TENM4: variants seen among roughly 807,000 people sequenced by gnomAD.
TENM4 encodes the protein teneurin-4.
In TENM4, 82 loss-of-function variants were observed where a neutral mutation model predicts 243.3. The observed-to-expected ratio is 0.34, with a 90% CI of 0.28 to 0.40. The LOEUF is 0.40. TENM4 is among the 10% of genes least tolerant of loss of function. The probability of loss-of-function intolerance (pLI) is 1.00; values close to 1 mark genes in which losing one functional copy is unlikely to be tolerated. For synonymous variants in TENM4, 1,412 were observed against 1,456.3 expected, an observed-to-expected ratio of 0.97 and a Z score of 0.69; for missense variants, 3,138 against 3,673.3, an observed-to-expected ratio of 0.85 and a Z score of 3.77.
At chr11:78,837,935 C>A in intron 12 of TENM4, among the ~76,000 whole-genome samples, 1 of 151,970 alleles carries the variant, frequency 6.6e-6, no homozygotes, top group East Asian at 1.9e-4. Context: ...TTCCTAGGTA[C>A]TGGTTTATTT....
chr11:79,290,296 CATA>C (rs1856332538), intron 2 of TENM4, among the ~76,000 whole-genome samples: 1 of 152,340 alleles, frequency 6.6e-6, no homozygotes, highest in African/African-American at 2.4e-5. Context: ...CTCTCATTGG[CATA>C]ATGCTTTCAA....
intron 2 of TENM4, 115 bp from the exon 3 acceptor site, chr11:79,216,024 G>T: frequency 4.4e-6 from 1 of 224,812 alleles, no homozygotes; most frequent in Non-Finnish European, 7.4e-6. Context: ...GGAAAATGAG[G>T]CTTGTTCCTG....
intron 7 of TENM4, 111 bp downstream of exon 7, chr11:78,903,157 C>A (rs1855969484): frequency 7.3e-7 from 1 of 1,374,564 alleles, no homozygotes; most frequent in Non-Finnish European, 9.4e-7. Context: ...AACCCCAGCT[C>A]CTCCGGCCGG....
chr11:79,117,975 G>A (rs902367690), intron 4 of TENM4, among the ~76,000 whole-genome samples: 4 of 152,280 alleles, frequency 2.6e-5, no homozygotes, highest in Non-Finnish European at 4.4e-5. Flanking sequence ...CTTGGCAAAT[G>A]GCAAAGGGAA....
intron 15 of TENM4, among the ~76,000 whole-genome samples, chr11:78,803,708 C>A (rs927625566): frequency 6.6e-6 from 1 of 152,200 alleles, no homozygotes; most frequent in Non-Finnish European, 1.5e-5. Context: ...TTATACGTAC[C>A]TCCTCAGAGG....
chr11:79,287,452 T>C (rs1856276819), intron 2 of TENM4, among the ~76,000 whole-genome samples: 1 of 152,134 alleles, frequency 6.6e-6, no homozygotes, highest in South Asian at 2.1e-4. Context: ...CCAACAAAGA[T>C]TTAATGTAGT....
chr11:79,350,779 C>T (rs1290540156), intron 1 of TENM4, among the ~76,000 whole-genome samples: 1 of 152,086 alleles, frequency 6.6e-6, no homozygotes, highest in East Asian at 1.9e-4. Context: ...AATGCTGCTC[C>T]TGCTCCCAAC....
At chr11:78,730,892 G>A (rs1855647598) in intron 21 of TENM4, among the ~76,000 whole-genome samples, 1 of 152,176 alleles carries the variant, frequency 6.6e-6, no homozygotes, top group Non-Finnish European at 1.5e-5. Context: ...TAAGTTTGAG[G>A]CAAAGCAGGA....
intron 1 of TENM4, among the ~76,000 whole-genome samples, chr11:79,379,403 G>C (rs1857956633): frequency 6.6e-6 from 1 of 152,226 alleles, no homozygotes; most frequent in Admixed American, 6.5e-5. Context: ...TCTGGATGCT[G>C]TGTGGAGACT....
intron 3 of TENM4, among the ~76,000 whole-genome samples, chr11:79,208,270 C>T (rs1449698634): frequency 6.6e-6 from 1 of 152,174 alleles, no homozygotes; most frequent in Admixed American, 6.5e-5. Flanking sequence ...ATGAGTAAGG[C>T]CTTTGCCTAT....
At chr11:78,856,273 G>T in intron 10 of TENM4, 95 bp from the exon 11 acceptor site, 3 of 1,053,564 alleles carry the variant, frequency 2.8e-6, no homozygotes, top group Non-Finnish European at 4.2e-6. Flanking sequence ...ACTCTCCTTA[G>T]CCTCACATCC....
At chr11:79,163,305 T>C (rs1043713718) in intron 3 of TENM4, among the ~76,000 whole-genome samples, 1 of 152,128 alleles carries the variant, frequency 6.6e-6, no homozygotes, top group African/African-American at 2.4e-5. Context: ...AAAAATCCTA[T>C]GCTGTAAACT....
At position 78,867,959 on chromosome 11, in the gene TENM4, G is replaced by A. The variant is rs571608563; in HGVS notation, c.1085-4827C>T. Among the ~76,000 whole-genome samples the A allele has an allele frequency of 2.7e-3, 409 of 152,030 alleles. 3 individuals are homozygous for A. The highest frequency in any genetic ancestry group is 0.025 in the South Asian group (121 of 4,814). On this transcript the variant is annotated intron_variant, in intron 9 of 33. Transcript: ENST00000278550. Reference sequence around the variant, plus strand: ...ATAAAATTTGAAATAAATATTTAGGGAGGGGGAGCTGATAGTGATGATAAA... The same window carrying A: ...ATAAAATTTGAAATAAATATTTAGGAAGGGGGAGCTGATAGTGATGATAAA...
chr11:79,262,548 G>A (rs968881983), intron 2 of TENM4, among the ~76,000 whole-genome samples: 43 of 152,308 alleles, frequency 2.8e-4, no homozygotes, highest in African/African-American at 9.6e-4. Flanking sequence ...AGTCTTTGAA[G>A]ATCCGTCTCT....
intron 3 of TENM4, among the ~76,000 whole-genome samples, chr11:79,213,941 C>T (rs1293080837): frequency 1.3e-5 from 2 of 152,034 alleles, no homozygotes; most frequent in Non-Finnish European, 2.9e-5. Context: ...TGGCACAGTG[C>T]CTCAGTAAAT....
At chr11:78,879,105 C>T (rs1859344440) in intron 9 of TENM4, among the ~76,000 whole-genome samples, 1 of 150,180 alleles carries the variant, frequency 6.7e-6, no homozygotes, top group African/African-American at 2.5e-5. Flanking sequence ...GTGAGGTGTG[C>T]CTCTGCCTGG....
chr11:78,740,252 C>T (rs1033355925), intron 19 of TENM4, among the ~76,000 whole-genome samples: 6 of 152,232 alleles, frequency 3.9e-5, no homozygotes, highest in Non-Finnish European at 5.9e-5. Flanking sequence ...CTCTGTTGGA[C>T]GAGAAAAGCA....
intron 12 of TENM4, among the ~76,000 whole-genome samples, chr11:78,844,468 C>A (rs377380321): frequency 1.2e-4 from 19 of 152,122 alleles, no homozygotes; most frequent in African/African-American, 4.3e-4. Context: ...ATGGTGAAAC[C>A]CCGTCTCTAC....
intron 12 of TENM4, among the ~76,000 whole-genome samples, chr11:78,829,354 T>G (rs1475419895): frequency 6.6e-6 from 1 of 152,200 alleles, no homozygotes; most frequent in Non-Finnish European, 1.5e-5. Context: ...TGACTCTCAC[T>G]AGTTGTGTAA....
Sources: gnomAD v4.1 joint callset for allele counts (sites outside exome capture counted in the v4.1 genomes callset) on GRCh38, gnomAD v4.1.1 for gene constraint, MANE v1.5 for transcripts, NCBI Gene and HGNC (gene_info 2026-07-23, HGNC 2026-07-21) for gene names.